GRIN2D: variants seen among roughly 807,000 people sequenced by gnomAD.
The protein encoded by GRIN2D is glutamate ionotropic receptor NMDA type subunit 2D, also known as glutamate receptor ionotropic, NMDA 2D.
GRIN2D carries 37 observed loss-of-function variants against 103.2 expected under a neutral mutation model. That is an observed-to-expected ratio of 0.36 (90% CI 0.28 to 0.47). The LOEUF (loss-of-function observed/expected upper bound fraction) is 0.47, where lower values mean the gene tolerates loss of function less well. GRIN2D is among the 20% of genes least tolerant of loss of function. The pLI is 1.00. For missense variants in GRIN2D, 1,557 were observed against 1,910.6 expected, an observed-to-expected ratio of 0.81 and a Z score of 3.45; for synonymous variants, 845 against 885.6, an observed-to-expected ratio of 0.95 and a Z score of 0.81.
At position 48,409,279 on chromosome 19, in the gene GRIN2D, T is replaced by C. The variant is rs1013250506; in HGVS notation, c.1085+3926T>C. On this transcript the variant is annotated intron_variant, in intron 4 of 13. Transcript: ENST00000263269. Reference sequence around the variant, plus strand: ...TGGCAATGGCAATTAAATTTCTTTTTTTTTTTTTTTTTTTTTTGAGATGAA... The same window carrying C: ...TGGCAATGGCAATTAAATTTCTTTTCTTTTTTTTTTTTTTTTTGAGATGAA... 8.4e-4 allele frequency among the ~76,000 whole-genome samples: 120 copies of C among 142,938 alleles called. 1 individual carries two copies. In the Middle Eastern group the frequency reaches 0.018, roughly 21 times the overall value. The allele number at this position is 142,938 out of a possible 152,430, so 93.8% of individuals were successfully genotyped here. A position where few individuals can be genotyped will look rare whatever the true frequency, so the allele number is the denominator to read the frequency against.
In GRIN2D at chr19:48,443,894, G is replaced by T; in HGVS notation, c.3968G>T (p.Arg1323Leu). The stretch of plus-strand genomic sequence containing the variant: ...CACCGGGGCGGGGACCTGGGCACCC[G>T]CAGGGGCTCGGCGCACTTCTCTAGC... ...RRHRGGDLGTRRGSAHFSSLE... is the reference protein window; with the variant it reads ...RRHRGGDLGTLRGSAHFSSLE... The change falls in exon 14 of 14, where the codon CGC (arginine) becomes CTC (leucine). Residue 1323 changes from arginine (R) to leucine (L), a missense_variant. Physicochemically the swap from Arg to Leu is moderately radical, Grantham distance 102. Transcript: ENST00000263269. This position sits in a 1 kb window ranked among gnomAD's most constrained non-coding sequence, Gnocchi z 8.9. The T allele has an allele frequency of 2.7e-6, 4 of 1,461,624 alleles. No individual in the cohort carries two copies. Among genetic ancestry groups the T allele is most frequent in the Non-Finnish European group, 3.6e-6 (4 of 1,112,464 alleles). The allele number at this position is 1,461,624 out of a possible 1,614,324, so 90.5% of individuals were successfully genotyped here. A position where few individuals can be genotyped will look rare whatever the true frequency, so the allele number is the denominator to read the frequency against.
At chr19:48,441,521 T>A (rs1263511382) in intron 11 of GRIN2D, among the ~76,000 whole-genome samples, 1 of 152,218 alleles carries the variant, frequency 6.6e-6, no homozygotes, top group African/African-American at 2.4e-5. Context: ...TGGTCCAGCC[T>A]GGACAACATA....
chr19:48,402,120 GAAAGAAAGAA>G (rs1335588774), intron 3 of GRIN2D, among the ~76,000 whole-genome samples: 1 of 32,082 alleles, frequency 3.1e-5, no homozygotes, highest in African/African-American at 1.3e-4. Flanking sequence ...GAGAAGGAAA[GAAAGAAAGAA>G]AGAAAGAAAG....
At chr19:48,396,437 G>A (rs1970641263) in intron 2 of GRIN2D, among the ~76,000 whole-genome samples, 1 of 152,070 alleles carries the variant, frequency 6.6e-6, no homozygotes. Context: ...CCAGGTAGGG[G>A]TGGGTCTGGG....
At chr19:48,402,115 G>GGAAAGAAAGAAAGAAAGAAAGAAA (rs201781099) in intron 3 of GRIN2D, among the ~76,000 whole-genome samples, 70 of 88,048 alleles carry the variant, frequency 8.0e-4, no homozygotes, top group East Asian at 2.0e-3. Context: ...AGAAAGAGAA[G>GGAAAGAAAGAAAGAAAGAAAGAAA]GAAAGAAAGA....
At chr19:48,423,259 C>A (rs1181140795) in intron 11 of GRIN2D, among the ~76,000 whole-genome samples, 1 of 152,026 alleles carries the variant, frequency 6.6e-6, no homozygotes, top group African/African-American at 2.4e-5. Context: ...CAAAGTGCAG[C>A]CCACGAATAC....
chr19:48,436,987 T>G (rs988573298), intron 11 of GRIN2D, among the ~76,000 whole-genome samples: 3 of 152,140 alleles, frequency 2.0e-5, no homozygotes, highest in African/African-American at 7.2e-5. Context: ...GGGACAGCGC[T>G]GACTCAAATG....
Position 48,442,981 on chromosome 19 carries a change from C to T in GRIN2D, c.3055C>T (p.Pro1019Ser), listed in dbSNP as rs1219504731. The change falls in exon 14 of 14, where the codon CCC becomes TCC. Residue 1019 changes from proline (P) to serine (S), a missense_variant. By Grantham distance (74) the Pro-to-Ser change is moderately conservative. Around this residue, in one of 7 missense-constraint regions of GRIN2D, gnomAD observed 632 missense variants for 572.8 expected, o/e 1.10. Transcript: ENST00000263269. This position sits in a 1 kb window ranked among gnomAD's most constrained non-coding sequence, Gnocchi z 7.2. ...AIVRDKEPAEPPAGAFPGFPS... is the reference protein window; with the variant it reads ...AIVRDKEPAESPAGAFPGFPS... ...CGTACGCGACAAGGAGCCAGCCGAG[C>T]CCCCCGCCGGCGCCTTCCCCGGCTT... The T allele has an allele frequency of 8.1e-6, 9 of 1,114,890 alleles. No individual in the cohort carries two copies. The African/African-American group carries it at 8.5e-5, about 10-fold the overall frequency. 69.1% of individuals were successfully genotyped at this position (1,114,890 alleles called of 1,614,324 possible).
At chr19:48,431,618 C>T (rs1971156733) in intron 11 of GRIN2D, among the ~76,000 whole-genome samples, 1 of 144,840 alleles carries the variant, frequency 6.9e-6, no homozygotes, top group African/African-American at 2.6e-5. Context: ...GAGTTTCACT[C>T]TTGTTGCCCA....
Position 48,402,223 on chromosome 19 carries a change from G to A in GRIN2D, c.466-2511G>A, listed in dbSNP as rs552265096. On this transcript the variant is annotated intron_variant, in intron 3 of 13. Coordinates refer to ENST00000263269, the MANE Select transcript of GRIN2D (RefSeq NM_000836.4). ...AGTTGTAGATAGCTGGGCAAGAAAGGGTGACAATGAGAGTTGTGACAGTGA... is the reference window on the plus strand; with the variant it reads ...AGTTGTAGATAGCTGGGCAAGAAAGAGTGACAATGAGAGTTGTGACAGTGA... 2.0e-4 allele frequency among the ~76,000 whole-genome samples: 30 copies of A among 152,242 alleles called. 1 individual carries two copies. The East Asian group carries it at 4.6e-3, about 24-fold the overall frequency.
rs564780550 is a variant in GRIN2D, at chr19:48,444,184, T to A, written c.*247T>A. On this transcript the variant is annotated 3_prime_UTR_variant, in exon 14 of 14. Transcript: ENST00000263269. This position sits in a 1 kb window ranked among gnomAD's most constrained non-coding sequence, Gnocchi z 5.5. ...CCTTGGAGCCCACCGGACTTTTTTT[T>A]AAACCCGACAAGGGCTTTTTAACGT... The A allele has an allele frequency of 1.1e-4, 39 of 350,708 alleles. No individual in the cohort carries two copies. The South Asian group carries it at 2.8e-3, about 25-fold the overall frequency. The allele number at this position is 350,708 out of a possible 1,614,324, so 21.7% of individuals were successfully genotyped here.
At chr19:48,399,858 AGG>A (rs1328553584) in intron 3 of GRIN2D, among the ~76,000 whole-genome samples, 1 of 14,862 alleles carries the variant, frequency 6.7e-5, no homozygotes, top group Non-Finnish European at 1.3e-4. Flanking sequence ...GAGTCAGAAA[AGG>A]GGGCGGGGCT....
rs749427674 is a variant in GRIN2D at position 48,414,894 on chromosome 19, G to A, written c.1443G>A (p.Lys481=). The stretch of plus-strand genomic sequence containing the variant: ...CACCGGATGCCCCCCGCCCGGAAAA[G>A]CGCTGCTGCAAGGGTTTCTGCATCG... ...SPPPDAPRPE[K]RCCKGFCIDI... is the part of the protein sequence containing the mutation. Residue 481 remains lysine, a synonymous_variant, in exon 7 of 14, where the codon AAG becomes AAA. Transcript: ENST00000263269. The surrounding 1 kb of genome is among the most constrained non-coding windows in gnomAD (Gnocchi z 4.6). The A allele has an allele frequency of 1.2e-6, 2 of 1,614,008 alleles. No homozygotes were observed. The highest frequency in any genetic ancestry group is 8.5e-7 in the Non-Finnish European group (1 of 1,180,052).
intron 3 of GRIN2D, among the ~76,000 whole-genome samples, chr19:48,400,202 G>C (rs943841085): frequency 1.3e-5 from 2 of 152,090 alleles, no homozygotes; most frequent in South Asian, 4.1e-4. Flanking sequence ...ATTGGACCAA[G>C]CCTGCTCTGT....
chr19:48,412,841 AAAG>A (rs1970892460), intron 4 of GRIN2D, among the ~76,000 whole-genome samples: 1 of 149,428 alleles, frequency 6.7e-6, no homozygotes, highest in Non-Finnish European at 1.5e-5. Flanking sequence ...AAAAAAAAAA[AAAG>A]AAAGAGGAGG....
At chr19:48,400,001 G>T (rs543393342) in intron 3 of GRIN2D, among the ~76,000 whole-genome samples, 10 of 152,294 alleles carry the variant, frequency 6.6e-5, no homozygotes, top group Middle Eastern at 3.4e-3. Context: ...TGTGGAAAGC[G>T]AGAGTCCAGA....
rs761104012 is a variant in GRIN2D, at chr19:48,443,205, G to A, written c.3279G>A (p.Pro1093=). ...CAGGCGGAGGAGCCCCGGCCGCTCCGCCCCCGTGCCGCGCCGCGCCGCCCC... is the reference window on the plus strand; with the variant it reads ...CAGGCGGAGGAGCCCCGGCCGCTCCACCCCCGTGCCGCGCCGCGCCGCCCC... ...GGAGGGAPAA[P]PPCRAAPPPC... Residue 1093 remains proline, a synonymous_variant, in exon 14 of 14, where the codon CCG becomes CCA. Transcript: ENST00000263269. The surrounding 1 kb of genome is among the most constrained non-coding windows in gnomAD (Gnocchi z 8.9). 1.6e-6 allele frequency: 2 copies of A among 1,233,084 alleles called. No individual in the cohort carries two copies. The highest frequency in any genetic ancestry group is 2.2e-5 in the South Asian group (1 of 46,456). The allele number at this position is 1,233,084 out of a possible 1,614,324, so 76.4% of individuals were successfully genotyped here. A position where few individuals can be genotyped will look rare whatever the true frequency, so the allele number is the denominator to read the frequency against.
At chr19:48,435,872 G>A (rs144607722) in intron 11 of GRIN2D, among the ~76,000 whole-genome samples, 1 of 152,366 alleles carries the variant, frequency 6.6e-6, no homozygotes, top group African/African-American at 2.4e-5. Flanking sequence ...GAAGGGAGAC[G>A]TGCAATGCAC....
At chr19:48,403,983 T>C (rs1403010111) in intron 3 of GRIN2D, among the ~76,000 whole-genome samples, 1 of 152,170 alleles carries the variant, frequency 6.6e-6, no homozygotes, top group Non-Finnish European at 1.5e-5. Context: ...CTCACGCCTG[T>C]AATTCCAGCA....
Sources: allele counts gnomAD v4.1 joint callset (sites outside exome capture counted in the v4.1 genomes callset), GRCh38; gene constraint gnomAD v4.1.1; regional missense constraint gnomAD v4.1.1; non-coding constraint Gnocchi (gnomAD v3.1); transcripts MANE v1.5; gene names NCBI Gene and HGNC (gene_info 2026-07-23, HGNC 2026-07-21).